The following HDLBP variants were observed in gnomAD, a reference collection of about 807,000 sequenced individuals.
HDLBP encodes high density lipoprotein binding protein.
Under a neutral mutation model 137.3 loss-of-function variants are expected in HDLBP, and 30 were observed. That is an observed-to-expected ratio of 0.22 (90% CI 0.16 to 0.30). The LOEUF is 0.30. Ranked by LOEUF, HDLBP falls within the 10% of genes least tolerant of loss-of-function variation. The pLI, the probability that HDLBP is intolerant of heterozygous loss-of-function variation, is 1.00. For synonymous variants in HDLBP, 606 were observed against 596.0 expected, an observed-to-expected ratio of 1.02 and a Z score of -0.24; for missense variants, 1,119 against 1,667.3, an observed-to-expected ratio of 0.67 and a Z score of 5.73.
At chr2:241,313,116 T>C (rs140050030) in intron 1 of HDLBP, among the ~76,000 whole-genome samples, 3 of 152,348 alleles carry the variant, frequency 2.0e-5, no homozygotes, top group East Asian at 1.9e-4. Context: ...CCACATTCTG[T>C]AGGAAGACTT....
At chr2:241,274,469 A>G (rs1161628004) in intron 1 of HDLBP, among the ~76,000 whole-genome samples, 3 of 152,206 alleles carry the variant, frequency 2.0e-5, no homozygotes, top group Non-Finnish European at 4.4e-5. Context: ...ATCAGCAACT[A>G]GTGCAAGTGT....
chr2:241,285,823 G>C (rs1559544211), intron 1 of HDLBP, among the ~76,000 whole-genome samples: 1 of 152,138 alleles, frequency 6.6e-6, no homozygotes, highest in East Asian at 1.9e-4. Context: ...GAGGCCAAAA[G>C]TTTGAGACCA....
intron 9 of HDLBP, 114 bp from the exon 10 acceptor site, chr2:241,253,611 G>C: frequency 1.4e-6 from 1 of 708,022 alleles, no homozygotes; most frequent in Admixed American, 2.3e-5. Flanking sequence ...GCTTCACATA[G>C]ATGTGAGGGA....
intron 1 of HDLBP, among the ~76,000 whole-genome samples, chr2:241,292,604 C>T (rs1272868213): frequency 2.6e-5 from 4 of 151,930 alleles, no homozygotes; most frequent in South Asian, 2.1e-4. Context: ...TTTTTAAAGC[C>T]GTTTCCTAAA....
At chr2:241,251,868 T>C (rs1001889039) in intron 11 of HDLBP, among the ~76,000 whole-genome samples, 8 of 152,094 alleles carry the variant, frequency 5.3e-5, no homozygotes, top group Non-Finnish European at 8.8e-5. Context: ...TCCCAGCTAC[T>C]TGGGAGGCTG....
At chr2:241,273,050 G>C (rs920086549) in intron 1 of HDLBP, 2 of 985,386 alleles carry the variant, frequency 2.0e-6, no homozygotes, top group Admixed American at 6.1e-5. Flanking sequence ...AGAAAGCAGA[G>C]GGAGCGCGCC....
chr2:241,237,762 T>G (rs2070731578), intron 20 of HDLBP, among the ~76,000 whole-genome samples: 2 of 152,144 alleles, frequency 1.3e-5, no homozygotes, highest in South Asian at 4.1e-4. Context: ...GAAAAGAAAC[T>G]GGTGCCACAG....
At chr2:241,302,644 A>C (rs776524867) in intron 1 of HDLBP, 1 of 152,204 alleles carries the variant, frequency 6.6e-6, no homozygotes, top group Non-Finnish European at 1.5e-5. Context: ...CCTTACCTCT[A>C]TCTGTTCCAA....
chr2:241,284,369 A>G (rs1420047905), intron 1 of HDLBP, among the ~76,000 whole-genome samples: 3 of 152,218 alleles, frequency 2.0e-5, no homozygotes, highest in South Asian at 2.1e-4. Flanking sequence ...AGAAACAGCA[A>G]GAGAACTAGA....
Position 241,249,904 on chromosome 2 carries a change from G to A in HDLBP, c.1449C>T (p.Ile483=), listed in dbSNP as rs145115963. Residue 483 remains isoleucine (I), a synonymous_variant, in exon 12 of 28, where the codon ATC becomes ATT. Coordinates refer to ENST00000310931, the MANE Select transcript of HDLBP (RefSeq NM_005336.6). ...PDSEKSNLIR[I]EGDPQGVQQA... is the part of the protein sequence containing the mutation. Reference sequence around the variant, plus strand: ...GCTGCACGCCCTGTGGGTCCCCCTCGATGCGGATCAAATTGCTCTTCTCAC... The same window carrying A: ...GCTGCACGCCCTGTGGGTCCCCCTCAATGCGGATCAAATTGCTCTTCTCAC... The A allele has an allele frequency of 2.8e-4, 445 of 1,614,080 alleles. 1 individual carries two copies. The highest frequency in any genetic ancestry group is 1.8e-3 in the Middle Eastern group (11 of 6,062).
At chr2:241,235,700 A>G in intron 21 of HDLBP, 106 bp from the exon 22 acceptor site, 1 of 719,014 alleles carries the variant, frequency 1.4e-6, no homozygotes, top group Non-Finnish European at 2.5e-6. Flanking sequence ...GCCCTATGAC[A>G]ACAGCAATGT....
chr2:241,260,726 A>T (rs1461114559), intron 5 of HDLBP, among the ~76,000 whole-genome samples: 1 of 152,226 alleles, frequency 6.6e-6, no homozygotes, highest in Non-Finnish European at 1.5e-5. Flanking sequence ...TTCAAAGCAG[A>T]ACAACCAGCT....
chr2:241,285,582 TCA>T (rs2074774343), intron 1 of HDLBP, among the ~76,000 whole-genome samples: 1 of 152,224 alleles, frequency 6.6e-6, no homozygotes, highest in Non-Finnish European at 1.5e-5. Flanking sequence ...TTAGTAAGAC[TCA>T]GTTTTACTTG....
intron 1 of HDLBP, among the ~76,000 whole-genome samples, chr2:241,310,092 T>C (rs897887325): frequency 1.3e-5 from 2 of 152,002 alleles, no homozygotes; most frequent in Non-Finnish European, 2.9e-5. Flanking sequence ...CAATAGTGAC[T>C]TAAGGAAAAA....
Position 241,229,555 on chromosome 2 carries a change from TG to T in HDLBP, c.*45del. On this transcript the variant is annotated 3_prime_UTR_variant, in exon 28 of 28. Transcript: ENST00000310931. ...AGATTGAGACAAACCATTGTGTGGT[TG>T]GGTTTGGGTCAGCAGGCTGGAGAGG... 7.2e-7 allele frequency: 1 copy of T among 1,384,838 alleles called. No homozygotes were observed. The allele number at this position is 1,384,838 out of a possible 1,614,324, so 85.8% of individuals were successfully genotyped here.
chr2:241,246,937 G>A (rs2071726395), intron 15 of HDLBP, 54 bp from the exon 16 acceptor site: 2 of 1,605,210 alleles, frequency 1.2e-6, no homozygotes, highest in Admixed American at 3.3e-5. Context: ...CCAGAGTTGA[G>A]ACACAGTTGA....
chr2:241,243,414 C>G (rs2071428785), intron 16 of HDLBP: 1 of 152,180 alleles, frequency 6.6e-6, no homozygotes, highest in Admixed American at 6.6e-5. Context: ...TTAGGTCAGT[C>G]AGGGCCGGGT....
chr2:241,253,567 G>C, intron 9 of HDLBP, 70 bp from the exon 10 acceptor site: 1 of 1,091,938 alleles, frequency 9.2e-7, no homozygotes. Context: ...CTCCCAGTGG[G>C]AGCTCTCTTC....
intron 1 of HDLBP, among the ~76,000 whole-genome samples, chr2:241,313,127 T>C (rs775448476): frequency 3.2e-4 from 48 of 152,236 alleles, no homozygotes; most frequent in South Asian, 2.1e-4. Context: ...AGGAAGACTT[T>C]CCAACAGGTA....
Sources: allele counts gnomAD v4.1 joint callset (sites outside exome capture counted in the v4.1 genomes callset), GRCh38; gene constraint gnomAD v4.1.1; transcripts MANE v1.5; gene names NCBI Gene and HGNC (gene_info 2026-07-23, HGNC 2026-07-21).